Variants in LRP1B observed in about 807,000 individuals in gnomAD.
LRP1B encodes the protein low-density lipoprotein receptor-related protein 1B.
LRP1B carries 217 observed loss-of-function variants against 556.6 expected under a neutral mutation model. The observed-to-expected ratio is 0.39, with a 90% confidence interval of 0.35 to 0.44. The LOEUF is 0.44. Among genes scored for constraint, LRP1B ranks in the 20% least tolerant of loss-of-function variants. LRP1B has a pLI of 1.00. For synonymous variants in LRP1B, 2,047 were observed against 1,865.8 expected (o/e 1.10, Z -2.50); for missense variants, 5,053 against 5,620.8 (o/e 0.90, Z 3.23).
chr2:142,035,824 T>A (rs1212149197), intron 1 of LRP1B, among the ~76,000 whole-genome samples: 6 of 151,674 alleles, frequency 4.0e-5, no homozygotes, highest in African/African-American at 1.5e-4. Context: ...GAATTGTATC[T>A]CCCAGAATTC....
chr2:140,725,832 T>A (rs545068929), intron 35 of LRP1B, among the ~76,000 whole-genome samples: 1 of 152,228 alleles, frequency 6.6e-6, no homozygotes, highest in South Asian at 2.1e-4. Context: ...TTCATCTCAA[T>A]TTATCATTTC....
intron 2 of LRP1B, among the ~76,000 whole-genome samples, chr2:141,524,245 T>G (rs796112731): frequency 5.3e-4 from 77 of 144,300 alleles, no homozygotes; most frequent in African/African-American, 1.8e-3. Flanking sequence ...AATCTGCCTG[T>G]GAAAGCTATA....
intron 20 of LRP1B, among the ~76,000 whole-genome samples, chr2:140,942,126 T>C (rs1695418954): frequency 6.6e-6 from 1 of 152,142 alleles, no homozygotes; most frequent in Admixed American, 6.6e-5. Flanking sequence ...GAAAAATGTA[T>C]GACAGGAATT....
chr2:141,273,155 A>T (rs889602636), intron 3 of LRP1B, among the ~76,000 whole-genome samples: 9 of 152,262 alleles, frequency 5.9e-5, no homozygotes, highest in Non-Finnish European at 1.0e-4. Flanking sequence ...TGAAAAATAC[A>T]AAAGTTAACT....
At chr2:140,795,901 C>T (rs1690293021) in intron 32 of LRP1B, among the ~76,000 whole-genome samples, 1 of 152,044 alleles carries the variant, frequency 6.6e-6, no homozygotes, top group African/African-American at 2.4e-5. Flanking sequence ...TATATTCTTA[C>T]TCTAATTAAA....
At chr2:141,686,263 G>A (rs1691298731) in intron 2 of LRP1B, among the ~76,000 whole-genome samples, 1 of 151,862 alleles carries the variant, frequency 6.6e-6, no homozygotes, top group African/African-American at 2.4e-5. Flanking sequence ...TTCATTGATA[G>A]CATAAATATA....
At chr2:140,829,229 A>T (rs1691631704) in intron 31 of LRP1B, among the ~76,000 whole-genome samples, 1 of 152,176 alleles carries the variant, frequency 6.6e-6, no homozygotes, top group South Asian at 2.1e-4. Context: ...GATCATTGAG[A>T]TGGAAAATCA....
chr2:141,056,281 C>T (rs977979599), intron 9 of LRP1B, among the ~76,000 whole-genome samples: 7 of 151,826 alleles, frequency 4.6e-5, no homozygotes, highest in African/African-American at 1.7e-4. Context: ...CAACTCTCCA[C>T]TTTCTAAATC....
chr2:141,626,436 A>G (rs1688704882), intron 2 of LRP1B, among the ~76,000 whole-genome samples: 1 of 152,192 alleles, frequency 6.6e-6, no homozygotes, highest in Non-Finnish European at 1.5e-5. Context: ...AAAGACACCA[A>G]CTATGAATGT....
intron 1 of LRP1B, among the ~76,000 whole-genome samples, chr2:141,846,584 T>G (rs1293176755): frequency 6.6e-6 from 1 of 151,592 alleles, no homozygotes. Flanking sequence ...TAACTAACTA[T>G]AAAACATATT....
intron 1 of LRP1B, among the ~76,000 whole-genome samples, chr2:142,093,120 G>A (rs1428305962): frequency 1.3e-5 from 2 of 151,970 alleles, no homozygotes; most frequent in Non-Finnish European, 2.9e-5. Flanking sequence ...CCAAAGTGAC[G>A]ATTGCTTTGA....
At chr2:141,493,856 C>T (rs1683422711) in intron 2 of LRP1B, among the ~76,000 whole-genome samples, 1 of 152,102 alleles carries the variant, frequency 6.6e-6, no homozygotes, top group Non-Finnish European at 1.5e-5. Context: ...ACATGCTTTG[C>T]CTTGATGACA....
intron 1 of LRP1B, among the ~76,000 whole-genome samples, chr2:141,847,002 G>A (rs1022328180): frequency 1.3e-5 from 2 of 151,428 alleles, no homozygotes; most frequent in Non-Finnish European, 3.0e-5. Flanking sequence ...GTAAAGAAAA[G>A]AAAGAGGAGG....
At chr2:140,271,907 A>G (rs565785416) in intron 85 of LRP1B, among the ~76,000 whole-genome samples, 13 of 151,310 alleles carry the variant, frequency 8.6e-5, no homozygotes, top group Non-Finnish European at 1.8e-4. Context: ...AAAAAATTAT[A>G]GTTTCTTGTT....
intron 7 of LRP1B, among the ~76,000 whole-genome samples, chr2:141,103,987 A>AT (rs1459331821): frequency 6.6e-6 from 1 of 151,824 alleles, no homozygotes; most frequent in African/African-American, 2.4e-5. Flanking sequence ...CATAATTTTT[A>AT]TTTTTTGTTT....
chr2:140,644,390 CTTTCTTT>C (rs1274713663), intron 41 of LRP1B, among the ~76,000 whole-genome samples: 3 of 147,222 alleles, frequency 2.0e-5, no homozygotes, highest in Non-Finnish European at 3.0e-5. Flanking sequence ...TCATTTCTTT[CTTTCTTT>C]TTTCTTTTTT....
chr2:140,256,891 AAAT>A (rs1432512008), intron 86 of LRP1B, among the ~76,000 whole-genome samples: 6 of 151,900 alleles, frequency 3.9e-5, no homozygotes, highest in South Asian at 2.1e-4. Context: ...CTCGGCTGAT[AAAT>A]AATATTATGA....
intron 69 of LRP1B, among the ~76,000 whole-genome samples, chr2:140,372,330 T>C (rs1417593618): frequency 6.6e-6 from 1 of 152,080 alleles, no homozygotes; most frequent in Non-Finnish European, 1.5e-5. Flanking sequence ...TACTGGGGCA[T>C]AGTAATGTGT....
intron 3 of LRP1B, among the ~76,000 whole-genome samples, chr2:141,362,536 T>C (rs1415146231): frequency 6.6e-6 from 1 of 152,248 alleles, no homozygotes; most frequent in Non-Finnish European, 1.5e-5. Context: ...TATGGTACAA[T>C]GCTTATTGCA....
Sources: gnomAD v4.1 joint callset for allele counts (sites outside exome capture counted in the v4.1 genomes callset) on GRCh38, gnomAD v4.1.1 for gene constraint, MANE v1.5 for transcripts, NCBI Gene and HGNC (gene_info 2026-07-23, HGNC 2026-07-21) for gene names.